SIRPG: variants seen among roughly 807,000 people sequenced by gnomAD.
The protein encoded by SIRPG is signal-regulatory protein gamma.
Under a neutral mutation model 35.7 loss-of-function variants are expected in SIRPG, and 38 were observed. The observed-to-expected ratio is 1.06, with a 90% CI of 0.82 to 1.40. The LOEUF (loss-of-function observed/expected upper bound fraction) is 1.40. SIRPG is among the 40% of genes most tolerant of loss of function. The pLI, the probability that SIRPG is intolerant of heterozygous loss-of-function variation, is 0.00. For synonymous variants in SIRPG, 215 were observed against 190.4 expected (o/e 1.13, Z -1.06); for missense variants, 519 against 483.0 (o/e 1.07, Z -0.70).
the SIRPG span, among the ~76,000 whole-genome samples, chr20:1,677,866 C>G: frequency 1.3e-5 from 2 of 152,098 alleles, no homozygotes; most frequent in African/African-American, 2.4e-5. Context: ...ATATCGACAA[C>G]TAGAGTTAAC....
At chr20:1,643,756 G>T (rs1397807237) in intron 2 of SIRPG, among the ~76,000 whole-genome samples, 3 of 152,142 alleles carry the variant, frequency 2.0e-5, no homozygotes, top group African/African-American at 7.2e-5. Flanking sequence ...TGGGGTTTTT[G>T]TGGGGACTTT....
At chr20:1,683,209 A>G in the SIRPG span, among the ~76,000 whole-genome samples, 1 of 152,254 alleles carries the variant, frequency 6.6e-6, no homozygotes. Context: ...ATCATCTCAC[A>G]CCTGTTAGAA....
At chr20:1,671,447 C>T in the SIRPG span, among the ~76,000 whole-genome samples, 1 of 152,202 alleles carries the variant, frequency 6.6e-6, no homozygotes, top group Non-Finnish European at 1.5e-5. Context: ...AACAAAGTTA[C>T]TGATTGGTCT....
chr20:1,645,846 C>T (rs1450159002), intron 2 of SIRPG, among the ~76,000 whole-genome samples: 5 of 152,154 alleles, frequency 3.3e-5, no homozygotes, highest in East Asian at 1.9e-4. Flanking sequence ...ACATCCTCTC[C>T]GATCCTCACA....
the SIRPG span, among the ~76,000 whole-genome samples, chr20:1,675,446 G>A: frequency 1.3e-5 from 2 of 152,096 alleles, no homozygotes; most frequent in East Asian, 3.9e-4. Context: ...GACTTTTTTT[G>A]TTTGTTTGGT....
At chr20:1,676,543 G>A in the SIRPG span, 1 of 152,370 alleles carries the variant, frequency 6.6e-6, no homozygotes, top group Non-Finnish European at 1.5e-5. Context: ...AATCACCAAT[G>A]GGCTTTAGTG....
At chr20:1,677,886 T>C in the SIRPG span, among the ~76,000 whole-genome samples, 1 of 152,170 alleles carries the variant, frequency 6.6e-6, no homozygotes. Context: ...CAATATTGTA[T>C]TGAATTTAGT....
intron 4 of SIRPG, among the ~76,000 whole-genome samples, chr20:1,632,695 A>G (rs1227302144): frequency 3.9e-5 from 6 of 152,124 alleles, no homozygotes; most frequent in Non-Finnish European, 7.4e-5. Context: ...GAGACTGACT[A>G]GGGGCCTCAG....
chr20:1,666,826 T>G, the SIRPG span, among the ~76,000 whole-genome samples: 99 of 152,266 alleles, frequency 6.5e-4, no homozygotes, highest in Non-Finnish European at 9.7e-4. Flanking sequence ...TGTGTACCAT[T>G]TTAAAAAATA....
At chr20:1,648,938 G>T (rs1400336576) in intron 2 of SIRPG, 114 bp downstream of exon 2, 1 of 980,604 alleles carries the variant, frequency 1.0e-6, no homozygotes, top group Non-Finnish European at 1.6e-6. Flanking sequence ...GTGACAACAG[G>T]TCTTGAAAAT....
At chr20:1,649,955 T>C (rs6105471) in intron 1 of SIRPG, among the ~76,000 whole-genome samples, 95,430 of 140,576 alleles carry the variant, frequency 0.68, 32,883 homozygotes, top group East Asian at 0.88. Context: ...CAAGGTAGAG[T>C]TTTGGGTTGA....
intron 2 of SIRPG, among the ~76,000 whole-genome samples, chr20:1,642,680 T>A (rs529887186): frequency 1.3e-5 from 2 of 152,312 alleles, no homozygotes; most frequent in East Asian, 3.9e-4. Flanking sequence ...ATCTTTATAT[T>A]TTGGTATGTT....
At chr20:1,665,694 C>A in the SIRPG span, among the ~76,000 whole-genome samples, 1 of 152,148 alleles carries the variant, frequency 6.6e-6, no homozygotes, top group Non-Finnish European at 1.5e-5. Context: ...GGAGTGACGC[C>A]TCCTCAAGAA....
At chr20:1,677,203 A>G in the SIRPG span, among the ~76,000 whole-genome samples, 2 of 152,142 alleles carry the variant, frequency 1.3e-5, no homozygotes, top group Non-Finnish European at 2.9e-5. Context: ...ATTTTAAGAT[A>G]GAGCTTTGGG....
At chr20:1,640,782 C>T (rs769421146) in intron 2 of SIRPG, among the ~76,000 whole-genome samples, 5 of 152,036 alleles carry the variant, frequency 3.3e-5, no homozygotes, top group African/African-American at 4.8e-5. Flanking sequence ...AGATATGTTC[C>T]GTTAATACCT....
the SIRPG span, among the ~76,000 whole-genome samples, chr20:1,674,731 G>A: frequency 6.6e-6 from 1 of 152,198 alleles, no homozygotes; most frequent in African/African-American, 2.4e-5. Context: ...GGGGACTCAA[G>A]GGAAGGCAAG....
chr20:1,640,670 C>A (rs1468848265), intron 2 of SIRPG, among the ~76,000 whole-genome samples: 1 of 152,152 alleles, frequency 6.6e-6, no homozygotes, highest in African/African-American at 2.4e-5. Context: ...TTAGAGAGGG[C>A]GTCCTTGTCT....
the SIRPG span, among the ~76,000 whole-genome samples, chr20:1,679,771 A>T: frequency 6.6e-6 from 1 of 152,194 alleles, no homozygotes; most frequent in Non-Finnish European, 1.5e-5. Context: ...ACTAGGGTGG[A>T]AAGTTCCTAG....
chr20:1,664,003 C>T, the SIRPG span, among the ~76,000 whole-genome samples: 2 of 152,192 alleles, frequency 1.3e-5, no homozygotes, highest in African/African-American at 2.4e-5. Context: ...ATGAGGCCCT[C>T]GGACTGCTTC....
Sources: allele counts gnomAD v4.1 joint callset (sites outside exome capture counted in the v4.1 genomes callset), GRCh38; gene constraint gnomAD v4.1.1; transcripts MANE v1.5; gene names NCBI Gene and HGNC (gene_info 2026-07-23, HGNC 2026-07-21).